The following KIF5C variants were observed in gnomAD, a reference collection of about 807,000 sequenced individuals.
KIF5C encodes kinesin heavy chain isoform 5C.
Under a neutral mutation model 125.2 loss-of-function variants are expected in KIF5C, and 18 were observed. That is an observed-to-expected ratio of 0.14 (90% CI 0.10 to 0.21). The LOEUF (loss-of-function observed/expected upper bound fraction) is 0.21. KIF5C is among the 10% of genes least tolerant of loss of function. KIF5C has a pLI of 1.00. For synonymous variants in KIF5C, 405 were observed against 434.0 expected, an observed-to-expected ratio of 0.93 and a Z score of 0.83; for missense variants, 780 against 1,183.8, an observed-to-expected ratio of 0.66 and a Z score of 5.01.
At chr2:148,978,803 A>G in intron 12 of KIF5C, 119 bp from the exon 13 acceptor site, 1 of 1,332,756 alleles carries the variant, frequency 7.5e-7, no homozygotes, top group Non-Finnish European at 9.8e-7. Context: ...CTGTGCAGTA[A>G]CACCACACTA....
At chr2:148,922,543 G>A (rs546467769) in intron 2 of KIF5C, among the ~76,000 whole-genome samples, 7 of 152,306 alleles carry the variant, frequency 4.6e-5, no homozygotes, top group African/African-American at 1.7e-4. Context: ...ACTGGCTGCA[G>A]GTATGGAACC....
At chr2:148,892,450 A>G (rs1252644220) in intron 1 of KIF5C, among the ~76,000 whole-genome samples, 2 of 152,350 alleles carry the variant, frequency 1.3e-5, no homozygotes, top group East Asian at 1.9e-4. Context: ...GGGAACGACT[A>G]TAGGAGAAGA....
intron 11 of KIF5C, among the ~76,000 whole-genome samples, chr2:148,969,710 C>T (rs956688432): frequency 1.3e-5 from 2 of 152,132 alleles, no homozygotes; most frequent in African/African-American, 4.8e-5. Flanking sequence ...ATTCCATAAT[C>T]ACCATGTGGG....
intron 9 of KIF5C, 28 bp downstream of exon 9, chr2:148,949,971 G>C: frequency 6.2e-7 from 1 of 1,600,904 alleles, no homozygotes; most frequent in Middle Eastern, 1.7e-4. Flanking sequence ...CATCTATTAA[G>C]TAATATTATG....
chr2:149,014,824 G>A (rs1052730699), intron 25 of KIF5C, among the ~76,000 whole-genome samples: 3 of 152,142 alleles, frequency 2.0e-5, no homozygotes, highest in East Asian at 3.8e-4. Context: ...AAATCCTGGC[G>A]ACTGGATAGG....
At chr2:148,889,854 C>T (rs1276452893) in intron 1 of KIF5C, among the ~76,000 whole-genome samples, 1 of 152,042 alleles carries the variant, frequency 6.6e-6, no homozygotes, top group Non-Finnish European at 1.5e-5. Context: ...GACAGGAGAA[C>T]CTGAGTAAGG....
intron 1 of KIF5C, among the ~76,000 whole-genome samples, chr2:148,899,404 A>C (rs1319216874): frequency 6.6e-6 from 1 of 152,220 alleles, no homozygotes; most frequent in Non-Finnish European, 1.5e-5. Flanking sequence ...TATGCTTGGC[A>C]TAAGAAAACA....
At chr2:148,908,737 A>C (rs1681213920) in intron 1 of KIF5C, among the ~76,000 whole-genome samples, 2 of 152,252 alleles carry the variant, frequency 1.3e-5, no homozygotes, top group African/African-American at 4.8e-5. Flanking sequence ...ACTTAGAATC[A>C]GTCATAACTG....
chr2:148,905,289 G>T (rs1681061901), intron 1 of KIF5C, among the ~76,000 whole-genome samples: 1 of 152,158 alleles, frequency 6.6e-6, no homozygotes, highest in Admixed American at 6.5e-5. Context: ...CATTGGTTTA[G>T]AGAGGAAAAA....
At chr2:149,016,856 A>G (rs1304628574) in intron 25 of KIF5C, among the ~76,000 whole-genome samples, 1 of 152,054 alleles carries the variant, frequency 6.6e-6, no homozygotes. Context: ...AGGGGAGCTG[A>G]GGGGCGAGTT....
intron 25 of KIF5C, among the ~76,000 whole-genome samples, chr2:149,014,622 A>C (rs1213114694): frequency 6.6e-6 from 1 of 152,150 alleles, no homozygotes; most frequent in Non-Finnish European, 1.5e-5. Flanking sequence ...AAAATCTTTT[A>C]TGTTGGTCAT....
chr2:148,885,740 A>T (rs1260326245), intron 1 of KIF5C: 1 of 152,216 alleles, frequency 6.6e-6, no homozygotes, highest in African/African-American at 2.4e-5. Flanking sequence ...TTGGAGGAAA[A>T]GTGCAAATAA....
chr2:148,888,886 A>G (rs534684271), intron 1 of KIF5C: 16 of 151,290 alleles, frequency 1.1e-4, no homozygotes, highest in African/African-American at 3.6e-4. Flanking sequence ...GTTGTGTAAT[A>G]TCTTCATGTT....
chr2:149,008,773 G>A (rs1474703535), intron 23 of KIF5C, among the ~76,000 whole-genome samples: 4 of 152,024 alleles, frequency 2.6e-5, no homozygotes, highest in Non-Finnish European at 4.4e-5. Context: ...CCACATGGCC[G>A]AGGAGATGTC....
intron 7 of KIF5C, among the ~76,000 whole-genome samples, chr2:148,943,701 G>C (rs187345105): frequency 6.6e-6 from 1 of 152,292 alleles, no homozygotes; most frequent in East Asian, 1.9e-4. Context: ...CTGCTACCTA[G>C]AGAGGTAGTG....
chr2:148,980,166 C>T (rs886134207), intron 13 of KIF5C, among the ~76,000 whole-genome samples: 2 of 151,846 alleles, frequency 1.3e-5, no homozygotes, highest in Non-Finnish European at 2.9e-5. Flanking sequence ...CTCCCCTGCC[C>T]AAACACTTCC....
intron 21 of KIF5C, among the ~76,000 whole-genome samples, chr2:149,001,442 TGAGGGAAG>T (rs1681848933): frequency 6.6e-6 from 1 of 152,018 alleles, no homozygotes; most frequent in Admixed American, 6.6e-5. Context: ...TGGCTGCAGC[TGAGGGAAG>T]GACAGGGATA....
chr2:148,992,239 A>G (rs1229398259), intron 16 of KIF5C, among the ~76,000 whole-genome samples: 1 of 152,222 alleles, frequency 6.6e-6, no homozygotes. Context: ...TGTATTGAAA[A>G]GATTATTCAG....
At position 148,998,317 on chromosome 2, in the gene KIF5C, G is replaced by C. The variant is rs898794204; in HGVS notation, c.2101-83G>C. 9.1e-6 allele frequency: 14 copies of C among 1,536,350 alleles called. No individual in the cohort carries two copies. In the African/African-American group the frequency reaches 1.8e-4, roughly 20 times the overall value. ...GACATCTGAGGGACACAGGGAAGGA[G>C]GTAGGTCCAGATCCAGGGCTTGTCA... On this transcript the variant is annotated intron_variant, in intron 18 of 25. Transcript: ENST00000435030.
Sources: gnomAD v4.1 joint callset for allele counts (sites outside exome capture counted in the v4.1 genomes callset) on GRCh38, gnomAD v4.1.1 for gene constraint, MANE v1.5 for transcripts, NCBI Gene and HGNC (gene_info 2026-07-23, HGNC 2026-07-21) for gene names.